The following ENPP6 variants were observed in gnomAD, a reference collection of about 807,000 sequenced individuals.
ENPP6 encodes the protein glycerophosphocholine cholinephosphodiesterase ENPP6.
A neutral mutation model predicts 42.0 loss-of-function variants in ENPP6; 32 were observed. The observed-to-expected ratio is 0.76, with a 90% CI of 0.58 to 1.02. The LOEUF (loss-of-function observed/expected upper bound fraction) is 1.02, where lower values mean the gene tolerates loss of function less well. Ranked by LOEUF, ENPP6 falls within the 50% of genes least tolerant of loss-of-function variation. ENPP6 has a pLI of 0.00. For missense variants in ENPP6, 552 were observed against 566.8 expected, an observed-to-expected ratio of 0.97 and a Z score of 0.27; for synonymous variants, 213 against 216.0, an observed-to-expected ratio of 0.99 and a Z score of 0.12.
At chr4:184,124,929 C>A (rs561087913) in intron 2 of ENPP6, among the ~76,000 whole-genome samples, 1 of 152,176 alleles carries the variant, frequency 6.6e-6, no homozygotes, top group African/African-American at 2.4e-5. Flanking sequence ...AGTTGCTCTG[C>A]CGAGAAACAC....
intron 6 of ENPP6, among the ~76,000 whole-genome samples, chr4:184,099,335 G>A (rs1167980450): frequency 6.6e-6 from 1 of 152,232 alleles, no homozygotes; most frequent in South Asian, 2.1e-4. Context: ...CAGTTAGGTG[G>A]GTTAAATTCC....
chr4:184,186,358 CA>C (rs1732634876), intron 1 of ENPP6, among the ~76,000 whole-genome samples: 1 of 152,100 alleles, frequency 6.6e-6, no homozygotes, highest in African/African-American at 2.4e-5. Context: ...AAAATATCTA[CA>C]AAAGGCAAAG....
intron 1 of ENPP6, among the ~76,000 whole-genome samples, chr4:184,172,285 G>A (rs909109139): frequency 6.6e-6 from 1 of 152,134 alleles, no homozygotes; most frequent in Admixed American, 6.5e-5. Context: ...GGACTTCTCA[G>A]GATGGGAGGT....
At chr4:184,206,765 G>A (rs955227408) in intron 1 of ENPP6, among the ~76,000 whole-genome samples, 4 of 152,158 alleles carry the variant, frequency 2.6e-5, no homozygotes, top group Non-Finnish European at 1.5e-5. Flanking sequence ...GTGATTTCTA[G>A]GAGTGCGAGA....
intron 2 of ENPP6, among the ~76,000 whole-genome samples, chr4:184,129,297 C>T (rs57960628): frequency 1.6e-4 from 18 of 111,226 alleles, no homozygotes; most frequent in Admixed American, 1.1e-3. Flanking sequence ...AACATACACA[C>T]ACACACACAC....
At chr4:184,132,668 C>A (rs1054469657) in intron 2 of ENPP6, among the ~76,000 whole-genome samples, 5 of 151,720 alleles carry the variant, frequency 3.3e-5, no homozygotes, top group African/African-American at 9.7e-5. Flanking sequence ...AACATAGAAG[C>A]CTTATGTTTT....
chr4:184,109,238 AAAAAC>A (rs1307843733), intron 6 of ENPP6, among the ~76,000 whole-genome samples: 3 of 111,416 alleles, frequency 2.7e-5, no homozygotes, highest in South Asian at 3.5e-4. Flanking sequence ...AACAACAAAA[AAAAAC>A]AAAACAAACA....
intron 1 of ENPP6, among the ~76,000 whole-genome samples, chr4:184,169,069 A>G (rs1040869110): frequency 6.6e-6 from 1 of 152,136 alleles, no homozygotes; most frequent in Admixed American, 6.5e-5. Flanking sequence ...TTTTTAAACC[A>G]CAATTTGTAA....
intron 6 of ENPP6, among the ~76,000 whole-genome samples, chr4:184,109,309 G>A (rs891803301): frequency 1.3e-5 from 2 of 152,120 alleles, no homozygotes; most frequent in Admixed American, 6.5e-5. Context: ...ATTCGAAACA[G>A]GAACTGGGAT....
intron 3 of ENPP6, among the ~76,000 whole-genome samples, chr4:184,121,472 C>T (rs1579619947): frequency 6.6e-6 from 1 of 152,230 alleles, no homozygotes; most frequent in Non-Finnish European, 1.5e-5. Context: ...GATTAAAAAA[C>T]ACACTCTGTG....
rs1219800842 is a variant in ENPP6, at chr4:184,211,781, A to C, written c.241+5798T>G. On this transcript the variant is annotated intron_variant, in intron 1 of 7. Transcript: ENST00000296741. ...GATACCAAAGCCAGGCAGAGACACA[A>C]CAAAAAAAGAGAATTTTAGACCAAT... Among the ~76,000 whole-genome samples, 182 of 151,458 alleles carry C rather than the reference A, an allele frequency of 1.2e-3. 1 individual carries two copies. Among genetic ancestry groups the C allele is most frequent in the African/African-American group, 4.0e-3 (163 of 40,996 alleles).
intron 5 of ENPP6, among the ~76,000 whole-genome samples, chr4:184,114,479 G>A (rs1736281602): frequency 1.3e-5 from 2 of 152,272 alleles, no homozygotes; most frequent in African/African-American, 4.8e-5. Flanking sequence ...AAGGAAATCC[G>A]GAGTTCTTAA....
intron 1 of ENPP6, among the ~76,000 whole-genome samples, chr4:184,186,552 T>C (rs1732637414): frequency 6.6e-6 from 1 of 151,348 alleles, no homozygotes; most frequent in Non-Finnish European, 1.5e-5. Context: ...CAGTGGGAGG[T>C]TCTAGAAGGT....
chr4:184,102,202 C>T (rs1440830789), intron 6 of ENPP6, among the ~76,000 whole-genome samples: 2 of 152,210 alleles, frequency 1.3e-5, no homozygotes, highest in African/African-American at 4.8e-5. Flanking sequence ...CAGGGCCCAT[C>T]CGTTTGCATT....
At chr4:184,170,978 T>G (rs1173095301) in intron 1 of ENPP6, among the ~76,000 whole-genome samples, 1 of 152,264 alleles carries the variant, frequency 6.6e-6, no homozygotes, top group Non-Finnish European at 1.5e-5. Flanking sequence ...CGTGTCTATT[T>G]GGACTGTATA....
At chr4:184,212,899 C>T (rs1351656746) in intron 1 of ENPP6, among the ~76,000 whole-genome samples, 1 of 152,124 alleles carries the variant, frequency 6.6e-6, no homozygotes, top group African/African-American at 2.4e-5. Flanking sequence ...AGATATCGAT[C>T]AATGGAACAA....
chr4:184,107,823 G>A (rs1736125905), intron 6 of ENPP6, among the ~76,000 whole-genome samples: 1 of 151,898 alleles, frequency 6.6e-6, no homozygotes, highest in South Asian at 2.1e-4. Flanking sequence ...GCTGAGGCAG[G>A]AGAATGGCGT....
At chr4:184,158,300 T>A (rs6552754) in intron 1 of ENPP6, among the ~76,000 whole-genome samples, 2 of 152,208 alleles carry the variant, frequency 1.3e-5, no homozygotes, top group Non-Finnish European at 2.9e-5. Context: ...GAGTAATGGG[T>A]ATCGTAACAA....
In ENPP6 at chr4:184,181,552, A is replaced by G. The variant is rs571997822; in HGVS notation, c.242-27819T>C. 3.9e-4 allele frequency among the ~76,000 whole-genome samples: 59 copies of G among 152,364 alleles called. 1 individual carries two copies. The highest frequency in any genetic ancestry group is 6.8e-3 in the Middle Eastern group (2 of 294). ...GAACCAAAAAAGAGCCTGAATAGCC[A>G]AGACAATCCTAAGCAAAAAGAACAA... is the stretch of plus-strand genomic sequence containing the variant. On this transcript the variant is annotated intron_variant, in intron 1 of 7. Coordinates refer to ENST00000296741, the MANE Select transcript of ENPP6 (RefSeq NM_153343.4).
Sources: gnomAD v4.1 joint callset for allele counts (sites outside exome capture counted in the v4.1 genomes callset) on GRCh38, gnomAD v4.1.1 for gene constraint, MANE v1.5 for transcripts, NCBI Gene and HGNC (gene_info 2026-07-23, HGNC 2026-07-21) for gene names.